CRTC3: variants seen among roughly 807,000 people sequenced by gnomAD.
The protein encoded by CRTC3 is CREB-regulated transcription coactivator 3.
In CRTC3, 26 loss-of-function variants were observed where a neutral mutation model predicts 74.5. That is an observed-to-expected ratio of 0.35 (90% CI 0.26 to 0.48). The LOEUF is 0.48. Ranked by LOEUF, CRTC3 falls within the 20% of genes least tolerant of loss-of-function variation. CRTC3 has a pLI of 0.99. For missense variants in CRTC3, 760 were observed against 787.3 expected, an observed-to-expected ratio of 0.97 and a Z score of 0.41; for synonymous variants, 377 against 325.8, an observed-to-expected ratio of 1.16 and a Z score of -1.69.
intron 5 of CRTC3, among the ~76,000 whole-genome samples, chr15:90,605,577 C>T (rs1288321967): frequency 1.4e-5 from 2 of 147,696 alleles, no homozygotes; most frequent in East Asian, 2.0e-4. Flanking sequence ...GCTCTGCATT[C>T]GTTTGATATT....
Position 90,641,119 on chromosome 15 carries a change from C to T in CRTC3, c.1571C>T (p.Ser524Phe), listed in dbSNP as rs1216126910. 2 of 1,613,914 alleles carry T rather than the reference C, an allele frequency of 1.2e-6. No individual in the cohort carries two copies. The highest frequency in any genetic ancestry group is 1.1e-5 in the South Asian group (1 of 91,048). The stretch of plus-strand genomic sequence containing the variant: ...CAGGTGCCTCTGGTGCAACAAGGTT[C>T]CCGAGAACTGCAGGACTCTTTTCAT... The part of the protein sequence containing the change: ...PQQVPLVQQG[S>F]RELQDSFHLR... The change falls in exon 14 of 15, where the codon TCC becomes TTC. Residue 524 changes from serine (S) to phenylalanine (F), a missense_variant. By Grantham distance (155) the Ser-to-Phe change is radical. Around this residue, in one of 2 missense-constraint regions of CRTC3, gnomAD observed 652 missense variants for 635.2 expected, o/e 1.03. Coordinates refer to ENST00000268184, the MANE Select transcript of CRTC3 (RefSeq NM_022769.5).
chr15:90,545,794 G>A lies in CRTC3; in HGVS notation c.231+5657G>A, dbSNP rs181538254. Among the ~76,000 whole-genome samples, 768 of 152,108 alleles carry A rather than the reference G, an allele frequency of 5.0e-3. 5 individuals carry two copies. The highest frequency in any genetic ancestry group is 0.034 in the Middle Eastern group (10 of 294). On this transcript the variant is annotated intron_variant, in intron 2 of 14. Coordinates refer to ENST00000268184, the MANE Select transcript of CRTC3 (RefSeq NM_022769.5). ...GGGGTTTCACTGTGTTAGCCAGGAT[G>A]GTCTCCATCTCCTGACTTTGTGATC...
At chr15:90,613,185 G>GA (rs34111646) in intron 6 of CRTC3, among the ~76,000 whole-genome samples, 4,509 of 114,024 alleles carry the variant, frequency 0.04, 119 homozygotes, top group Non-Finnish European at 0.061. Context: ...TCTGTCTCGG[G>GA]AAAAAAAAAA....
In CRTC3 at chr15:90,641,969, T is replaced by C; in HGVS notation, c.1689T>C (p.Ser563=). ...SSTSLFKDLN[S]ALAGLPEVSL... is the part of the protein sequence containing the mutation. ...CCAGCCTGTTCAAAGACCTCAACAG[T>C]GCGCTGGCAGGCCTGCCTGAGGTCA... The change falls in exon 15 of 15, where the codon AGT becomes AGC. Residue 563 remains serine, a synonymous_variant. Transcript: ENST00000268184. 6.2e-7 allele frequency: 1 copy of C among 1,613,684 alleles called. No individual in the cohort carries two copies. The highest frequency in any genetic ancestry group is 1.1e-5 in the South Asian group (1 of 91,064).
Position 90,638,801 on chromosome 15 carries a change from G to A in CRTC3, c.1534G>A (p.Ala512Thr), listed in dbSNP as rs1969335804. The A allele has an allele frequency of 1.2e-6, 2 of 1,614,092 alleles. No individual in the cohort carries two copies. The highest frequency in any genetic ancestry group is 1.7e-4 in the Middle Eastern group (1 of 6,056). ...CCAGCAGTCCATGAGGCCAGGCCCT[G>A]CCTTTCCTCAACAGGTGGGTGATCG... ...FDQQSMRPGP[A>T]FPQQVPLVQQ... The change falls in exon 13 of 15, where the codon GCC becomes ACC. Residue 512 changes from alanine to threonine, a missense_variant. By Grantham distance (58) the Ala-to-Thr change is moderately conservative (BLOSUM62 0). Coordinates refer to ENST00000268184, the MANE Select transcript of CRTC3 (RefSeq NM_022769.5).
intron 2 of CRTC3, among the ~76,000 whole-genome samples, chr15:90,593,309 T>G (rs1224618993): frequency 6.6e-6 from 1 of 152,216 alleles, no homozygotes; most frequent in African/African-American, 2.4e-5. Flanking sequence ...TATACCTCTT[T>G]TACATTTCAA....
intron 2 of CRTC3, among the ~76,000 whole-genome samples, chr15:90,563,705 G>GA (rs1332007819): frequency 2.0e-5 from 3 of 152,070 alleles, no homozygotes; most frequent in Non-Finnish European, 4.4e-5. Flanking sequence ...CCGAGAGCAA[G>GA]AAAAAATAGG....
At chr15:90,571,810 A>G (rs562858940) in intron 2 of CRTC3, among the ~76,000 whole-genome samples, 3 of 152,208 alleles carry the variant, frequency 2.0e-5, no homozygotes, top group Admixed American at 6.5e-5. Flanking sequence ...GTGTGTGTAT[A>G]TACATATTTT....
At chr15:90,610,982 G>A (rs531542763) in intron 6 of CRTC3, among the ~76,000 whole-genome samples, 110 of 152,320 alleles carry the variant, frequency 7.2e-4, no homozygotes, top group African/African-American at 2.6e-3. Context: ...CTTGGACCTG[G>A]TGACCTTTCA....
At position 90,530,273 on chromosome 15, in the gene CRTC3, G is replaced by T; in HGVS notation, c.132+70G>T. ...GCGGGACCCGCGCGGCGGGTGAGAG[G>T]TTGCGGGGCCAAGGCGATGGCGGGG... On this transcript the variant is annotated intron_variant, in intron 1 of 14. Coordinates refer to ENST00000268184, the MANE Select transcript of CRTC3 (RefSeq NM_022769.5). The surrounding 1 kb of genome is among the most constrained non-coding windows in gnomAD (Gnocchi z 6.2). 2.1e-6 allele frequency: 2 copies of T among 942,482 alleles called. No homozygotes were observed. The highest frequency in any genetic ancestry group is 2.5e-6 in the Non-Finnish European group (2 of 786,176). The allele number at this position is 942,482 out of a possible 1,614,324, so 58.4% of individuals were successfully genotyped here.
intron 2 of CRTC3, among the ~76,000 whole-genome samples, chr15:90,557,014 A>G (rs1398878312): frequency 4.0e-5 from 6 of 148,870 alleles, no homozygotes; most frequent in South Asian, 4.2e-4. Context: ...ATAATACAAT[A>G]TGAAAAATAA....
chr15:90,542,326 G>A (rs529519832), intron 2 of CRTC3, among the ~76,000 whole-genome samples: 1 of 151,946 alleles, frequency 6.6e-6, no homozygotes, highest in Non-Finnish European at 1.5e-5. Flanking sequence ...TCATAGGCGT[G>A]CGTCACCACG....
At chr15:90,578,636 A>G (rs111528912) in intron 2 of CRTC3, among the ~76,000 whole-genome samples, 1,807 of 152,302 alleles carry the variant, frequency 0.012, 35 homozygotes, top group African/African-American at 0.041. Context: ...AAAGAGCAGC[A>G]GTAATATGTA....
intron 1 of CRTC3, among the ~76,000 whole-genome samples, chr15:90,532,219 A>G (rs753152645): frequency 5.3e-5 from 8 of 152,230 alleles, no homozygotes; most frequent in Non-Finnish European, 1.2e-4. Flanking sequence ...ACATCTGTAA[A>G]TGATAACACT....
intron 2 of CRTC3, among the ~76,000 whole-genome samples, chr15:90,540,806 C>G (rs1238510136): frequency 2.0e-5 from 3 of 152,002 alleles, no homozygotes; most frequent in Non-Finnish European, 4.4e-5. Context: ...AATATTTAAT[C>G]CAATATATCC....
intron 13 of CRTC3, among the ~76,000 whole-genome samples, chr15:90,640,891 G>C (rs1039645132): frequency 6.6e-6 from 1 of 152,090 alleles, no homozygotes; most frequent in African/African-American, 2.4e-5. Context: ...GGACCTCAGG[G>C]ACCCCTCCTC....
At chr15:90,565,377 A>G (rs1427447842) in intron 2 of CRTC3, among the ~76,000 whole-genome samples, 5 of 152,242 alleles carry the variant, frequency 3.3e-5, no homozygotes, top group Non-Finnish European at 7.3e-5. Context: ...TAGAGCATAT[A>G]AATGCCAATA....
chr15:90,597,776 T>C (rs1270145376), intron 3 of CRTC3: 4 of 152,230 alleles, frequency 2.6e-5, no homozygotes, highest in African/African-American at 9.6e-5. Context: ...GGGGGAAATA[T>C]TCTGACTTCA....
chr15:90,581,526 C>T (rs1319104196), intron 2 of CRTC3, among the ~76,000 whole-genome samples: 1 of 152,124 alleles, frequency 6.6e-6, no homozygotes, highest in African/African-American at 2.4e-5. Context: ...CAGCCTTCAT[C>T]TCTTTTTTTG....
Sources: allele counts gnomAD v4.1 joint callset (sites outside exome capture counted in the v4.1 genomes callset), GRCh38; gene constraint gnomAD v4.1.1; regional missense constraint gnomAD v4.1.1; non-coding constraint Gnocchi (gnomAD v3.1); transcripts MANE v1.5; gene names NCBI Gene and HGNC (gene_info 2026-07-23, HGNC 2026-07-21).